ATP8A2: variants seen among roughly 807,000 people sequenced by gnomAD.
The protein encoded by ATP8A2 is phospholipid-transporting ATPase IB.
In ATP8A2, 100 loss-of-function variants were observed where a neutral mutation model predicts 165.6. The ratio of observed to expected loss-of-function variants is 0.60; its 90% CI spans 0.51 to 0.71. The LOEUF (loss-of-function observed/expected upper bound fraction) is 0.71, where lower values mean the gene tolerates loss of function less well. ATP8A2 is among the 30% of genes least tolerant of loss of function. The probability of loss-of-function intolerance (pLI) is 0.00; values close to 1 mark genes in which losing one functional copy is unlikely to be tolerated. For synonymous variants in ATP8A2, 543 were observed against 548.8 expected, an observed-to-expected ratio of 0.99 and a Z score of 0.15; for missense variants, 1,227 against 1,479.5, an observed-to-expected ratio of 0.83 and a Z score of 2.80.
At chr13:25,886,271 G>A (rs1953150200) in intron 33 of ATP8A2, among the ~76,000 whole-genome samples, 1 of 152,186 alleles carries the variant, frequency 6.6e-6, no homozygotes, top group African/African-American at 2.4e-5. Context: ...GGAATGTCGG[G>A]GTGGTGATGG....
At position 25,571,601 on chromosome 13, in the gene ATP8A2, A is replaced by G. The variant is rs764032440; in HGVS notation, c.1580-9A>G. The G allele has an allele frequency of 3.1e-6, 5 of 1,609,750 alleles. No individual in the cohort carries two copies. The South Asian group carries it at 4.4e-5, about 14-fold the overall frequency. On this transcript the variant is annotated splice_polypyrimidine_tract_variant and intron_variant, in intron 17 of 36. Transcript: ENST00000381655. ...ATATGTCAATGTTTCACCAACTCCC[A>G]CTTGACAGATGAAGCTGCTTTGGTG...
chr13:25,883,778 C>T (rs1016734450), intron 33 of ATP8A2, among the ~76,000 whole-genome samples: 1 of 152,188 alleles, frequency 6.6e-6, no homozygotes, highest in African/African-American at 2.4e-5. Flanking sequence ...CACCACCTCC[C>T]AGTCTGCTGC....
At chr13:25,413,789 G>A (rs939998277) in intron 1 of ATP8A2, among the ~76,000 whole-genome samples, 1 of 152,092 alleles carries the variant, frequency 6.6e-6, no homozygotes, top group African/African-American at 2.4e-5. Flanking sequence ...TCCATCGCTG[G>A]CCAAAGACCT....
At chr13:25,383,293 C>T (rs767786506) in intron 1 of ATP8A2, among the ~76,000 whole-genome samples, 26 of 151,500 alleles carry the variant, frequency 1.7e-4, no homozygotes, top group African/African-American at 2.7e-4. Flanking sequence ...TTAGTAGAGA[C>T]GGCGTTTCAC....
chr13:25,636,647 G>A (rs1235711758), intron 24 of ATP8A2, among the ~76,000 whole-genome samples: 1 of 151,972 alleles, frequency 6.6e-6, no homozygotes, highest in African/African-American at 2.4e-5. Context: ...GATTCCTTTT[G>A]GTTCCACCTG....
At chr13:25,890,143 C>T (rs1953313054) in intron 33 of ATP8A2, among the ~76,000 whole-genome samples, 3 of 152,026 alleles carry the variant, frequency 2.0e-5, no homozygotes, top group Non-Finnish European at 4.4e-5. Context: ...GCCTGGGTGA[C>T]GGCGCGAGAC....
intron 11 of ATP8A2, among the ~76,000 whole-genome samples, chr13:25,552,743 G>A (rs536011854): frequency 3.1e-4 from 47 of 152,218 alleles, no homozygotes; most frequent in African/African-American, 1.1e-3. Flanking sequence ...AAAGTAATAT[G>A]TCAGGAAGAA....
chr13:25,523,467 AG>A (rs1566217953), intron 2 of ATP8A2, among the ~76,000 whole-genome samples: 3 of 152,114 alleles, frequency 2.0e-5, no homozygotes, highest in African/African-American at 7.2e-5. Flanking sequence ...AATGTTTCAT[AG>A]AAATCAGCAG....
chr13:25,833,001 G>A (rs1329310676), intron 28 of ATP8A2, among the ~76,000 whole-genome samples: 1 of 151,134 alleles, frequency 6.6e-6, no homozygotes, highest in Admixed American at 6.6e-5. Flanking sequence ...AAGAGAATTT[G>A]ATAAAGTGAC....
At chr13:25,821,384 C>G (rs781764105) in intron 27 of ATP8A2, among the ~76,000 whole-genome samples, 2 of 152,196 alleles carry the variant, frequency 1.3e-5, no homozygotes, top group South Asian at 4.2e-4. Context: ...TTGATTATAC[C>G]GAATTCACTC....
At chr13:25,763,050 G>A (rs2044415571) in intron 25 of ATP8A2, among the ~76,000 whole-genome samples, 1 of 152,092 alleles carries the variant, frequency 6.6e-6, no homozygotes, top group Admixed American at 6.6e-5. Flanking sequence ...CATGGGAGGG[G>A]CTCCATAACA....
intron 27 of ATP8A2, among the ~76,000 whole-genome samples, chr13:25,785,382 A>G (rs1348017392): frequency 1.3e-5 from 2 of 152,106 alleles, no homozygotes; most frequent in Non-Finnish European, 2.9e-5. Context: ...AATAATAATA[A>G]TAATAATTTT....
At chr13:25,710,109 T>A (rs1243116189) in intron 25 of ATP8A2, among the ~76,000 whole-genome samples, 1 of 152,192 alleles carries the variant, frequency 6.6e-6, no homozygotes, top group South Asian at 2.1e-4. Context: ...AGGAGACTTT[T>A]ATTTTTTTTA....
intron 24 of ATP8A2, among the ~76,000 whole-genome samples, chr13:25,639,020 A>G (rs145195984): frequency 0.034 from 5,250 of 152,238 alleles, 156 homozygotes; most frequent in East Asian, 0.13. Flanking sequence ...TTCATAAGTG[A>G]AGGAGAAATA....
At chr13:25,840,147 A>G (rs563096797) in intron 30 of ATP8A2, among the ~76,000 whole-genome samples, 2 of 152,326 alleles carry the variant, frequency 1.3e-5, no homozygotes, top group South Asian at 2.1e-4. Flanking sequence ...CTTTACAGCT[A>G]GAAGAGGATG....
chr13:25,476,076 A>T (rs987665569), intron 2 of ATP8A2, among the ~76,000 whole-genome samples: 2 of 152,210 alleles, frequency 1.3e-5, no homozygotes, highest in Non-Finnish European at 2.9e-5. Flanking sequence ...GAGTAAAAAG[A>T]ACAAAATAAT....
chr13:25,374,263 G>C (rs1379522801), intron 1 of ATP8A2, among the ~76,000 whole-genome samples: 1 of 152,210 alleles, frequency 6.6e-6, no homozygotes, highest in African/African-American at 2.4e-5. Flanking sequence ...TAAAGATGAG[G>C]CTGGAGAACT....
intron 2 of ATP8A2, among the ~76,000 whole-genome samples, chr13:25,482,795 T>C (rs2036243845): frequency 6.6e-6 from 1 of 152,232 alleles, no homozygotes; most frequent in Admixed American, 6.5e-5. Flanking sequence ...TTCCTCATTC[T>C]CTCTTTGCCT....
chr13:25,391,309 T>C (rs537738697), intron 1 of ATP8A2, among the ~76,000 whole-genome samples: 1 of 152,356 alleles, frequency 6.6e-6, no homozygotes, highest in South Asian at 2.1e-4. Flanking sequence ...TCTGAATTTC[T>C]ATTCATGTGT....
Sources: gnomAD v4.1 joint callset for allele counts (sites outside exome capture counted in the v4.1 genomes callset) on GRCh38, gnomAD v4.1.1 for gene constraint, MANE v1.5 for transcripts, NCBI Gene and HGNC (gene_info 2026-07-23, HGNC 2026-07-21) for gene names.